CHEK2: variants seen among roughly 807,000 people sequenced by gnomAD.
CHEK2 encodes checkpoint kinase 2.
CHEK2 carries 71 observed loss-of-function variants against 69.1 expected under a neutral mutation model. That is an observed-to-expected ratio of 1.03 (90% CI 0.85 to 1.25). CHEK2 has a LOEUF of 1.25. Ranked by LOEUF, CHEK2 falls within the 50% of genes most tolerant of loss-of-function variation. CHEK2 has a pLI of 0.00. For synonymous variants in CHEK2, 189 were observed against 226.9 expected (o/e 0.83, Z 1.50); for missense variants, 664 against 649.6 (o/e 1.02, Z -0.24).
intron 4 of CHEK2, among the ~76,000 whole-genome samples, chr22:28,724,055 G>A (rs954368623): frequency 3.9e-5 from 6 of 152,224 alleles, no homozygotes; most frequent in South Asian, 2.1e-4. Flanking sequence ...TAAGACTGAT[G>A]TGGTATAAAC....
intron 7 of CHEK2, among the ~76,000 whole-genome samples, chr22:28,706,374 G>C (rs568752933): frequency 2.6e-5 from 4 of 152,218 alleles, no homozygotes; most frequent in Non-Finnish European, 4.4e-5. Flanking sequence ...CATTACCTCT[G>C]GGTAGGATGG....
rs1601769053 is a variant in CHEK2, at chr22:28,707,950, C to T, written c.846+2056G>A. Among the ~76,000 whole-genome samples the T allele has an allele frequency of 2.0e-5, 3 of 150,856 alleles. 1 individual carries two copies. The highest frequency in any genetic ancestry group is 7.3e-5 in the African/African-American group (3 of 41,198). The stretch of plus-strand genomic sequence containing the variant: ...CTCCCGGGTTCACGCCATTCTCCTG[C>T]CTCAGCCTCTCCAGTAGCTGGGACT... On this transcript the variant is annotated intron_variant, in intron 7 of 14. Coordinates refer to ENST00000404276, the MANE Select transcript of CHEK2 (RefSeq NM_007194.4).
At chr22:28,706,657 G>A (rs2003748) in intron 7 of CHEK2, among the ~76,000 whole-genome samples, 6,801 of 152,156 alleles carry the variant, frequency 0.045, 174 homozygotes, top group Middle Eastern at 0.071. Flanking sequence ...AGTGGCTCAC[G>A]TCTGTAATCC....
chr22:28,736,385 T>C (rs144063786), intron 1 of CHEK2, among the ~76,000 whole-genome samples: 1 of 152,152 alleles, frequency 6.6e-6, no homozygotes, highest in Non-Finnish European at 1.5e-5. Flanking sequence ...GCTCCTAAAG[T>C]GAAACACACC....
chr22:28,702,708 G>A (rs1403225538), intron 8 of CHEK2, among the ~76,000 whole-genome samples: 3 of 151,500 alleles, frequency 2.0e-5, no homozygotes, highest in Non-Finnish European at 2.9e-5. Flanking sequence ...CACCACACTC[G>A]GCTAATTTTT....
chr22:28,738,974 T>G (rs926107140), intron 1 of CHEK2, among the ~76,000 whole-genome samples: 1 of 152,094 alleles, frequency 6.6e-6, no homozygotes, highest in African/African-American at 2.4e-5. Flanking sequence ...TAATCCAATT[T>G]AAGAAATGGG....
intron 7 of CHEK2, among the ~76,000 whole-genome samples, chr22:28,706,501 T>C (rs1422621189): frequency 6.6e-6 from 1 of 152,176 alleles, no homozygotes; most frequent in African/African-American, 2.4e-5. Flanking sequence ...TGAAGTGCAA[T>C]GGGGTGATCA....
chr22:28,704,688 TA>T (rs2053039274), intron 7 of CHEK2, among the ~76,000 whole-genome samples: 1 of 152,130 alleles, frequency 6.6e-6, no homozygotes, highest in African/African-American at 2.4e-5. Context: ...GCTCAGTGGG[TA>T]AATAAAAGAT....
chr22:28,737,277 TC>T (rs1399429791), intron 1 of CHEK2: 1 of 476,708 alleles, frequency 2.1e-6, no homozygotes, highest in East Asian at 5.8e-5. Flanking sequence ...GTTAGCAGCC[TC>T]AGCATACAAA....
At position 28,722,304 on chromosome 22, in the gene CHEK2, G is replaced by C. The variant is rs540328125; in HGVS notation, c.592+2673C>G. 2.6e-5 allele frequency among the ~76,000 whole-genome samples: 4 copies of C among 152,040 alleles called. No homozygotes were observed. The South Asian group carries it at 8.3e-4, about 32-fold the overall frequency. Reference sequence around the variant, plus strand: ...GCCTGTAATCCCAGCACTTTGGAAGGCCGAGGCGGAAGGATCACGAGGTCA... The same window carrying C: ...GCCTGTAATCCCAGCACTTTGGAAGCCCGAGGCGGAAGGATCACGAGGTCA... On this transcript the variant is annotated intron_variant, in intron 4 of 14. Transcript: ENST00000404276.
chr22:28,694,828 C>A (rs2052499495), intron 12 of CHEK2, among the ~76,000 whole-genome samples: 2 of 152,184 alleles, frequency 1.3e-5, no homozygotes, highest in Admixed American at 1.3e-4. Context: ...GTACATGATA[C>A]TTAACCCTCA....
At position 28,689,174 on chromosome 22, in the gene CHEK2, C is replaced by T. The variant is rs1060502721; in HGVS notation, c.1503G>A (p.Glu501=). The stretch of plus-strand genomic sequence containing the variant: ...GGGGTAGAGCTGTGGATTCATTTTC[C>T]TCAGACAGAAGATCTTGAAACTTTC... ...MKRKFQDLLS[E]ENESTALPQV... Residue 501 remains glutamate, a synonymous_variant, in exon 14 of 15, where the codon GAG becomes GAA. Transcript: ENST00000404276. The T allele has an allele frequency of 1.3e-6, 2 of 1,595,278 alleles. No individual in the cohort carries two copies. The highest frequency in any genetic ancestry group is 1.7e-6 in the Non-Finnish European group (2 of 1,178,824).
chr22:28,733,039 G>A (rs763069971), intron 2 of CHEK2, among the ~76,000 whole-genome samples: 7 of 151,950 alleles, frequency 4.6e-5, no homozygotes, highest in East Asian at 1.9e-4. Flanking sequence ...TGATCCTCCC[G>A]CTTTGGCCTC....
At chr22:28,716,599 C>A (rs1267519323) in intron 5 of CHEK2, among the ~76,000 whole-genome samples, 3 of 152,184 alleles carry the variant, frequency 2.0e-5, no homozygotes, top group Non-Finnish European at 4.4e-5. Flanking sequence ...ACTAAAATTT[C>A]TCCCATATAA....
At chr22:28,707,353 T>C (rs111507708) in intron 7 of CHEK2, among the ~76,000 whole-genome samples, 3,005 of 152,316 alleles carry the variant, frequency 0.02, 61 homozygotes, top group South Asian at 0.07. Context: ...ATTCTTATTG[T>C]CTTCATTGTA....
At chr22:28,693,355 C>CATTT (rs1362029664) in intron 13 of CHEK2, among the ~76,000 whole-genome samples, 1 of 152,192 alleles carries the variant, frequency 6.6e-6, no homozygotes, top group Non-Finnish European at 1.5e-5. Flanking sequence ...ATTAAGGACA[C>CATTT]ATTTACTCAC....
chr22:28,710,029 C>G lies in CHEK2; in HGVS notation c.823G>C (p.Glu275Gln), dbSNP rs749963436. 3.9e-6 allele frequency: 6 copies of G among 1,555,710 alleles called. No individual in the cohort carries two copies. The change falls in exon 7 of 15, where the codon GAA becomes CAA. Residue 275 changes from glutamate to glutamine, a missense_variant. By Grantham distance (29) the Glu-to-Gln change is conservative (BLOSUM62 2). Transcript: ENST00000404276. ...DPALNVETEI[E>Q]ILKKLNHPCI... ...ACATGATTTAGCTTTTTCAAAATTT[C>G]TATTTCTGTTTCAACATTGAGAGCT...
intron 6 of CHEK2, 136 bp downstream of exon 6, chr22:28,711,773 T>G (rs1294436625): frequency 1.5e-6 from 1 of 679,602 alleles, no homozygotes; most frequent in Non-Finnish European, 2.6e-6. Context: ...AAATTTTCCA[T>G]GTTCTTTGAT....
intron 4 of CHEK2, among the ~76,000 whole-genome samples, chr22:28,724,290 C>T (rs934432623): frequency 6.6e-6 from 1 of 151,908 alleles, no homozygotes; most frequent in African/African-American, 2.4e-5. Context: ...AGCCTGTAAT[C>T]CCAGCTACTT....
Sources: gnomAD v4.1 joint callset for allele counts (sites outside exome capture counted in the v4.1 genomes callset) on GRCh38, gnomAD v4.1.1 for gene constraint, MANE v1.5 for transcripts, NCBI Gene and HGNC (gene_info 2026-07-23, HGNC 2026-07-21) for gene names.